Variants in PIGU observed in about 807,000 individuals in gnomAD.
PIGU encodes the protein GPI-anchor transamidase component PIGU.
In PIGU, 24 loss-of-function variants were observed where a neutral mutation model predicts 49.9. The ratio of observed to expected loss-of-function variants is 0.48; its 90% confidence interval spans 0.35 to 0.68. The LOEUF (loss-of-function observed/expected upper bound fraction) is 0.68. Among genes scored for constraint, PIGU ranks in the 30% least tolerant of loss-of-function variants. The probability of loss-of-function intolerance (pLI) is 0.01; values close to 1 mark genes in which losing one functional copy is unlikely to be tolerated. For synonymous variants in PIGU, 220 were observed against 205.7 expected, an observed-to-expected ratio of 1.07 and a Z score of -0.59; for missense variants, 490 against 532.6, an observed-to-expected ratio of 0.92 and a Z score of 0.79.
chr20:34,668,319 T>G (rs920836677), intron 1 of PIGU, among the ~76,000 whole-genome samples: 2 of 151,470 alleles, frequency 1.3e-5, no homozygotes, highest in Non-Finnish European at 2.9e-5. Flanking sequence ...AAAGATTAGC[T>G]GGCATGGTGG....
chr20:34,628,564 A>G (rs1312274890), intron 6 of PIGU, among the ~76,000 whole-genome samples: 1 of 152,194 alleles, frequency 6.6e-6, no homozygotes, highest in Non-Finnish European at 1.5e-5. Flanking sequence ...AAAATGATAG[A>G]CTAGAACTGG....
rs537109672 is a variant in PIGU at position 34,624,407 on chromosome 20, G to A, written c.530-8268C>T. Among the ~76,000 whole-genome samples the A allele has an allele frequency of 2.0e-5, 3 of 152,326 alleles. No individual in the cohort carries two copies. In the South Asian group the frequency reaches 6.2e-4, roughly 32 times the overall value. On this transcript the variant is annotated intron_variant, in intron 6 of 11. Transcript: ENST00000217446. ...GGAGCTGGGATTAGCCACCAGATCTGTCTAACATGAGAGCAGCCTGGGCTC... is the reference window on the plus strand; with the variant it reads ...GGAGCTGGGATTAGCCACCAGATCTATCTAACATGAGAGCAGCCTGGGCTC...
chr20:34,671,771 T>G (rs1987313023), intron 1 of PIGU, among the ~76,000 whole-genome samples: 1 of 151,740 alleles, frequency 6.6e-6, no homozygotes, highest in South Asian at 2.1e-4. Context: ...AACACAAAAT[T>G]AGCCAGGTGT....
At chr20:34,582,221 G>A (rs886227606) in intron 9 of PIGU, among the ~76,000 whole-genome samples, 1 of 152,190 alleles carries the variant, frequency 6.6e-6, no homozygotes, top group Non-Finnish European at 1.5e-5. Context: ...GTTCTTAAGG[G>A]CTGGGACTAT....
chr20:34,575,548 T>TA (rs1011441849), intron 10 of PIGU, among the ~76,000 whole-genome samples: 2 of 152,132 alleles, frequency 1.3e-5, no homozygotes, highest in Non-Finnish European at 2.9e-5. Flanking sequence ...AAACAGGGCA[T>TA]TTCAGGAAGA....
intron 11 of PIGU, among the ~76,000 whole-genome samples, chr20:34,568,043 C>T (rs1189437301): frequency 1.3e-5 from 2 of 152,176 alleles, no homozygotes; most frequent in African/African-American, 2.4e-5. Flanking sequence ...ACACCTCTGT[C>T]TCATTCACCC....
At chr20:34,584,535 T>C (rs1016830883) in intron 9 of PIGU, among the ~76,000 whole-genome samples, 3 of 133,412 alleles carry the variant, frequency 2.2e-5, no homozygotes, top group African/African-American at 5.7e-5. Flanking sequence ...TTTTGAGACA[T>C]GCACTTCCGC....
chr20:34,658,219 TC>T (rs1568662317), intron 1 of PIGU, among the ~76,000 whole-genome samples: 1 of 152,218 alleles, frequency 6.6e-6, no homozygotes, highest in African/African-American at 2.4e-5. Context: ...GGTCTCCAGC[TC>T]CTAACCGCGA....
chr20:34,659,799 A>T (rs1437631462), intron 1 of PIGU, among the ~76,000 whole-genome samples: 5 of 152,134 alleles, frequency 3.3e-5, no homozygotes, highest in Non-Finnish European at 5.9e-5. Flanking sequence ...ACTCAGGGTT[A>T]AATGGATTAA....
intron 7 of PIGU, among the ~76,000 whole-genome samples, chr20:34,604,994 C>T (rs1447391197): frequency 1.3e-5 from 2 of 152,170 alleles, no homozygotes; most frequent in Non-Finnish European, 2.9e-5. Flanking sequence ...TCCCAGACTG[C>T]ACCATGAGCA....
At chr20:34,632,107 C>T (rs1985800901) in intron 6 of PIGU, among the ~76,000 whole-genome samples, 2 of 151,556 alleles carry the variant, frequency 1.3e-5, no homozygotes, top group Non-Finnish European at 2.9e-5. Context: ...TCCCAAAGTG[C>T]TAGGATTACA....
chr20:34,632,361 T>C (rs941633582), intron 6 of PIGU, among the ~76,000 whole-genome samples: 2 of 151,418 alleles, frequency 1.3e-5, no homozygotes, highest in Non-Finnish European at 2.9e-5. Flanking sequence ...AAAATATATA[T>C]CTCATATACC....
At chr20:34,567,828 T>TCC (rs1982839637) in intron 11 of PIGU, among the ~76,000 whole-genome samples, 1 of 137,396 alleles carries the variant, frequency 7.3e-6, no homozygotes, top group African/African-American at 2.7e-5. Flanking sequence ...TCTCTCTCTC[T>TCC]CCCTCCTTCA....
At chr20:34,611,913 G>T (rs1984831026) in intron 7 of PIGU, among the ~76,000 whole-genome samples, 1 of 152,154 alleles carries the variant, frequency 6.6e-6, no homozygotes, top group African/African-American at 2.4e-5. Flanking sequence ...TTTTTGGTGG[G>T]AATGTAAATT....
At chr20:34,673,655 A>T (rs1175901535) in intron 1 of PIGU, among the ~76,000 whole-genome samples, 1 of 152,212 alleles carries the variant, frequency 6.6e-6, no homozygotes, top group African/African-American at 2.4e-5. Flanking sequence ...AAACCTTAGA[A>T]TTCACCTTTT....
chr20:34,625,981 T>C (rs1191779544), intron 6 of PIGU, among the ~76,000 whole-genome samples: 1 of 146,734 alleles, frequency 6.8e-6, no homozygotes, highest in Non-Finnish European at 1.5e-5. Context: ...TATACACACA[T>C]ACACAATTTT....
chr20:34,658,852 G>A (rs1387872791), intron 1 of PIGU, among the ~76,000 whole-genome samples: 4 of 150,452 alleles, frequency 2.7e-5, no homozygotes, highest in African/African-American at 9.8e-5. Flanking sequence ...ACCCCGTCTG[G>A]GAAGTGAGGA....
intron 4 of PIGU, among the ~76,000 whole-genome samples, chr20:34,642,434 A>G (rs1161752791): frequency 6.6e-6 from 1 of 151,452 alleles, no homozygotes; most frequent in Non-Finnish European, 1.5e-5. Context: ...GGCTGGTCTT[A>G]AGCAAAAAAT....
At chr20:34,580,426 T>A (rs1983409245) in intron 10 of PIGU, among the ~76,000 whole-genome samples, 1 of 152,194 alleles carries the variant, frequency 6.6e-6, no homozygotes. Flanking sequence ...ACTGTTTACC[T>A]TCACTCAGAG....
Sources: gnomAD v4.1 joint callset for allele counts (sites outside exome capture counted in the v4.1 genomes callset) on GRCh38, gnomAD v4.1.1 for gene constraint, MANE v1.5 for transcripts, NCBI Gene and HGNC (gene_info 2026-07-23, HGNC 2026-07-21) for gene names.